Variants in PIWIL2 observed in about 807,000 individuals in gnomAD.
PIWIL2 encodes the protein piwi-like protein 2.
A neutral mutation model predicts 116.5 loss-of-function variants in PIWIL2; 81 were observed. The ratio of observed to expected loss-of-function variants is 0.70; its 90% CI spans 0.58 to 0.84. PIWIL2 has a LOEUF of 0.84. Among genes scored for constraint, PIWIL2 ranks in the 40% least tolerant of loss-of-function variants. The probability of loss-of-function intolerance (pLI) is 0.00; values close to 1 mark genes in which losing one functional copy is unlikely to be tolerated. For synonymous variants in PIWIL2, 489 were observed against 429.5 expected (o/e 1.14, Z -1.71); for missense variants, 1,272 against 1,212.3 (o/e 1.05, Z -0.73).
chr8:22,349,644 T>G (rs7840872), intron 20 of PIWIL2, among the ~76,000 whole-genome samples: 2 of 152,096 alleles, frequency 1.3e-5, no homozygotes, highest in East Asian at 1.9e-4. Flanking sequence ...CTTCCAGATC[T>G]GAGGTCCTGG....
Position 22,288,565 on chromosome 8 carries a change from G to A in PIWIL2, c.885G>A (p.Arg295=), listed in dbSNP as rs147665310. 1.2e-6 allele frequency: 2 copies of A among 1,612,860 alleles called. No individual in the cohort carries two copies. Among genetic ancestry groups the A allele is most frequent in the African/African-American group, 1.3e-5 (1 of 74,902 alleles). ...LQQVLELKSQ[R]KTDSAEISIK... ...AGGTTCTTGAGTTAAAAAGTCAAAG[G>A]AAAACAGACAGTGCTGAAATCAGCA... Residue 295 remains arginine (R), a synonymous_variant, in exon 8 of 23, where the codon AGG becomes AGA. Coordinates refer to ENST00000356766, the MANE Select transcript of PIWIL2 (RefSeq NM_018068.5).
At chr8:22,324,708 T>A (rs1352465113) in intron 20 of PIWIL2, among the ~76,000 whole-genome samples, 1 of 152,192 alleles carries the variant, frequency 6.6e-6, no homozygotes, top group African/African-American at 2.4e-5. Context: ...TAACCTTGTT[T>A]GGAAATAAAG....
At chr8:22,302,902 G>A (rs1831085226) in intron 10 of PIWIL2, among the ~76,000 whole-genome samples, 1 of 152,192 alleles carries the variant, frequency 6.6e-6, no homozygotes, top group Admixed American at 6.5e-5. Context: ...TCTAGTTGAT[G>A]CACTGCCCAC....
chr8:22,321,651 T>C (rs969593800), intron 20 of PIWIL2, among the ~76,000 whole-genome samples: 3 of 152,152 alleles, frequency 2.0e-5, no homozygotes, highest in Non-Finnish European at 2.9e-5. Context: ...AGGAGTCCAG[T>C]GCTCCAGTGA....
intron 15 of PIWIL2, among the ~76,000 whole-genome samples, chr8:22,310,649 C>T (rs1831305955): frequency 6.6e-6 from 1 of 151,872 alleles, no homozygotes; most frequent in Non-Finnish European, 1.5e-5. Context: ...CCTGTGTAAT[C>T]CACACCAAGG....
At chr8:22,326,314 A>G (rs1270049131) in intron 20 of PIWIL2, among the ~76,000 whole-genome samples, 1 of 152,162 alleles carries the variant, frequency 6.6e-6, no homozygotes, top group Admixed American at 6.5e-5. Context: ...TGAGCTCAGG[A>G]ATATGAGACC....
intron 19 of PIWIL2, 125 bp downstream of exon 19, chr8:22,316,458 C>T (rs1379502697): frequency 2.9e-6 from 2 of 686,744 alleles, no homozygotes; most frequent in Non-Finnish European, 5.0e-6. Context: ...CATTTTCTTC[C>T]TCTATCTTCA....
At chr8:22,302,406 C>T (rs998331938) in intron 10 of PIWIL2, among the ~76,000 whole-genome samples, 1 of 152,056 alleles carries the variant, frequency 6.6e-6, no homozygotes, top group South Asian at 2.1e-4. Flanking sequence ...GTCTCGATCT[C>T]TTGACATCAT....
At chr8:22,354,509 T>C in intron 22 of PIWIL2, 131 bp downstream of exon 22, 1 of 550,356 alleles carries the variant, frequency 1.8e-6, no homozygotes, top group Non-Finnish European at 3.2e-6. Flanking sequence ...AATTATGGTG[T>C]CTTTTTGAGG....
At chr8:22,297,681 G>A (rs942481028) in intron 10 of PIWIL2, among the ~76,000 whole-genome samples, 4 of 152,140 alleles carry the variant, frequency 2.6e-5, no homozygotes, top group African/African-American at 9.7e-5. Flanking sequence ...AATACAACAA[G>A]GAAAAGTGGG....
intron 20 of PIWIL2, chr8:22,321,709 T>C (rs1297861858): frequency 1.0e-5 from 2 of 194,042 alleles, no homozygotes; most frequent in East Asian, 3.7e-4. Flanking sequence ...CTAAAACAAA[T>C]AAAATAAAAA....
At chr8:22,354,241 A>G (rs1207870619) in intron 21 of PIWIL2, 30 bp from the exon 22 acceptor site, 3 of 1,424,880 alleles carry the variant, frequency 2.1e-6, no homozygotes, top group Non-Finnish European at 3.0e-6. Flanking sequence ...GAATCCGACC[A>G]TTTCACTGAT....
rs71544885 is a variant in PIWIL2, at chr8:22,351,440, CATATATATATATATATATAT to C, written c.2404-1495_2404-1476del. Among the ~76,000 whole-genome samples the C allele has an allele frequency of 1.4e-3, 73 of 52,960 alleles. 1 individual carries two copies. The highest frequency in any genetic ancestry group is 2.7e-3 in the South Asian group (2 of 752). 34.7% of individuals were successfully genotyped at this position (52,960 alleles called of 152,430 possible). A position where few individuals can be genotyped will look rare whatever the true frequency, so the allele number is the denominator to read the frequency against. On this transcript the variant is annotated intron_variant, in intron 20 of 22. Transcript: ENST00000356766. Reference sequence around the variant, plus strand: ...ACCTGTAAGGAACAGTGCATACATACATATATATATATATATATATATATATATATATATATATATATAAT... The same window carrying C: ...ACCTGTAAGGAACAGTGCATACATACATATATATATATATATATATATAAT...
At chr8:22,300,654 C>T (rs1019011776) in intron 10 of PIWIL2, among the ~76,000 whole-genome samples, 2 of 152,178 alleles carry the variant, frequency 1.3e-5, no homozygotes, top group Non-Finnish European at 2.9e-5. Context: ...CACATTCTCA[C>T]GAATACTTGG....
chr8:22,289,948 C>T, intron 9 of PIWIL2, 21 bp downstream of exon 9: 1 of 1,507,890 alleles, frequency 6.6e-7, no homozygotes, highest in Non-Finnish European at 9.2e-7. Flanking sequence ...TTTTCCCTTC[C>T]CTCACTTTTG....
intron 7 of PIWIL2, among the ~76,000 whole-genome samples, chr8:22,288,229 C>T (rs1032053656): frequency 1.1e-4 from 16 of 145,574 alleles, no homozygotes; most frequent in Non-Finnish European, 2.2e-4. Context: ...ACCCAGGAGG[C>T]GGAGCCTGCA....
At chr8:22,335,038 G>C (rs1831947817) in intron 20 of PIWIL2, among the ~76,000 whole-genome samples, 2 of 144,170 alleles carry the variant, frequency 1.4e-5, no homozygotes, top group Non-Finnish European at 3.0e-5. Context: ...CTGGGTGACA[G>C]AGTGAGACTC....
chr8:22,307,897 A>G, intron 13 of PIWIL2, 36 bp from the exon 14 acceptor site: 1 of 1,530,814 alleles, frequency 6.5e-7, no homozygotes, highest in Non-Finnish European at 8.9e-7. Flanking sequence ...TGGTGAAGTT[A>G]TCTTTATAAG....
chr8:22,292,623 A>G (rs922761896), intron 10 of PIWIL2, among the ~76,000 whole-genome samples: 1 of 152,258 alleles, frequency 6.6e-6, no homozygotes, highest in Non-Finnish European at 1.5e-5. Flanking sequence ...GTCAAAGGAC[A>G]CAATTATTGG....
Sources: allele counts gnomAD v4.1 joint callset (sites outside exome capture counted in the v4.1 genomes callset), GRCh38; gene constraint gnomAD v4.1.1; transcripts MANE v1.5; gene names NCBI Gene and HGNC (gene_info 2026-07-23, HGNC 2026-07-21).